The following OAS3 variants were observed in gnomAD, a reference collection of about 807,000 sequenced individuals.
OAS3 encodes the protein 2'-5'-oligoadenylate synthase 3.
In OAS3, 107 loss-of-function variants were observed where a neutral mutation model predicts 113.0. That is an observed-to-expected ratio of 0.95 (90% CI 0.81 to 1.11). The LOEUF is 1.11. Among genes scored for constraint, OAS3 ranks in the 50% most tolerant of loss-of-function variants. The probability of loss-of-function intolerance (pLI) is 0.00; values close to 1 mark genes in which losing one functional copy is unlikely to be tolerated. For synonymous variants in OAS3, 552 were observed against 573.6 expected, an observed-to-expected ratio of 0.96 and a Z score of 0.54; for missense variants, 1,258 against 1,389.1, an observed-to-expected ratio of 0.91 and a Z score of 1.50.
Position 112,946,894 on chromosome 12 carries a change from A to G in OAS3, c.788A>G (p.Gln263Arg), listed in dbSNP as rs1264336263. Residue 263 changes from glutamine to arginine, a missense_variant, in exon 4 of 16, where the codon CAG becomes CGG. Transcript: ENST00000228928. ...GTCCTGGGCCTGATCCAACAGCATC[A>G]GCACCTGTGTGTTTTCTGGACTGTC... ...RTVLGLIQQH[Q>R]HLCVFWTVNY... is the part of the protein sequence containing the mutation. The G allele has an allele frequency of 3.1e-6, 5 of 1,613,936 alleles. No homozygotes were observed. The highest frequency in any genetic ancestry group is 3.4e-6 in the Non-Finnish European group (4 of 1,179,904).
At chr12:112,967,268 A>C in intron 12 of OAS3, 150 bp from the exon 13 acceptor site, 1 of 661,716 alleles carries the variant, frequency 1.5e-6, no homozygotes, top group Non-Finnish European at 2.6e-6. Context: ...TCTGTGTTCC[A>C]CCTAAAAACA....
Position 112,962,882 on chromosome 12 carries a change from T to A in OAS3, c.2064T>A (p.Leu688=). ...ACCCAGCCATGAGAATGCACCTTCTTGGCCAGCTTCGAAAACCCAGGTGAA... is the reference window on the plus strand; with the variant it reads ...ACCCAGCCATGAGAATGCACCTTCTAGGCCAGCTTCGAAAACCCAGGTGAA... ...TEDPAMRMHL[L]GQLRKPRPLV... The change falls in exon 9 of 16, where the codon CTT becomes CTA. Residue 688 remains leucine, a synonymous_variant. Transcript: ENST00000228928. 6.2e-7 allele frequency: 1 copy of A among 1,613,796 alleles called. No homozygotes were observed. Among genetic ancestry groups the A allele is most frequent in the Non-Finnish European group, 8.5e-7 (1 of 1,179,726 alleles).
chr12:112,939,538 C>T (rs887230046), intron 1 of OAS3, among the ~76,000 whole-genome samples: 2 of 152,110 alleles, frequency 1.3e-5, no homozygotes, highest in African/African-American at 4.8e-5. Context: ...CCAGGCTGGC[C>T]TGGAACTCCT....
Position 112,967,532 on chromosome 12 carries a change from T to C in OAS3, c.2804T>C (p.Ile935Thr), listed in dbSNP as rs1197080231. Residue 935 changes from isoleucine to threonine, a missense_variant, in exon 13 of 16, where the codon ATC becomes ACC. Transcript: ENST00000228928. ...TTCACAGAGCTACAACGGGACTTCATCATCTCTCGCCCTACCAAGCTGAAG... is the reference window on the plus strand; with the variant it reads ...TTCACAGAGCTACAACGGGACTTCACCATCTCTCGCCCTACCAAGCTGAAG... Reference protein sequence around the residue: ...TCFTELQRDFIISRPTKLKSL... With the variant: ...TCFTELQRDFTISRPTKLKSL... 15 of 1,613,772 alleles carry C rather than the reference T, an allele frequency of 9.3e-6. No homozygotes were observed. Among genetic ancestry groups the C allele is most frequent in the African/African-American group, 1.3e-5 (1 of 74,926 alleles).
chr12:112,968,241 AT>A, intron 14 of OAS3, 67 bp downstream of exon 14: 1 of 1,527,104 alleles, frequency 6.5e-7, no homozygotes, highest in Non-Finnish European at 8.8e-7. Context: ...CACTTTCTAG[AT>A]TGCAGAGCAG....
intron 14 of OAS3, 79 bp from the exon 15 acceptor site, chr12:112,969,529 G>A: frequency 6.6e-7 from 1 of 1,519,146 alleles, no homozygotes; most frequent in Non-Finnish European, 9.0e-7. Context: ...AGATAAAAGG[G>A]GAAAATAGTC....
chr12:112,969,453 C>T (rs2043964045), intron 14 of OAS3, 155 bp from the exon 15 acceptor site: 1 of 797,574 alleles, frequency 1.3e-6, no homozygotes. Context: ...TTTTCTATAC[C>T]TGCCCTGTAG....
rs745777097 is a variant in OAS3, at chr12:112,965,852, G to A, written c.2512G>A (p.Glu838Lys). ...CACTGAGCAGGGCAACAAGCGGGCC[G>A]AGATCATCTCCGAGATCCGAGCCCA... ...QFTEQGNKRAEIISEIRAQLE... is the reference protein window; with the variant it reads ...QFTEQGNKRAKIISEIRAQLE... Residue 838 changes from glutamate to lysine, a missense_variant, in exon 12 of 16, where the codon GAG becomes AAG. Coordinates refer to ENST00000228928, the MANE Select transcript of OAS3 (RefSeq NM_006187.4). 3 of 1,613,710 alleles carry A rather than the reference G, an allele frequency of 1.9e-6. No homozygotes were observed. Among genetic ancestry groups the A allele is most frequent in the Middle Eastern group, 1.7e-4 (1 of 6,058 alleles).
chr12:112,950,823 C>G lies in OAS3; in HGVS notation c.1505C>G (p.Ala502Gly). 6.2e-7 allele frequency: 1 copy of G among 1,614,020 alleles called. No homozygotes were observed. The highest frequency in any genetic ancestry group is 8.5e-7 in the Non-Finnish European group (1 of 1,179,890). Residue 502 changes from alanine (A) to glycine (G), a missense_variant, in exon 7 of 16, where the codon GCG becomes GGG. By Grantham distance (60) the Ala-to-Gly change is moderately conservative (BLOSUM62 0). Coordinates refer to ENST00000228928, the MANE Select transcript of OAS3 (RefSeq NM_006187.4). ...GCAGAGATCCTTGATGAGATGCGAGCGCAGCTAGAATCCTGGTGGCAGGAC... is the reference window on the plus strand; with the variant it reads ...GCAGAGATCCTTGATGAGATGCGAGGGCAGCTAGAATCCTGGTGGCAGGAC... Reference protein sequence around the residue: ...RRAEILDEMRAQLESWWQDQV... With the variant: ...RRAEILDEMRGQLESWWQDQV...
chr12:112,948,056 T>G lies in OAS3; in HGVS notation c.986T>G (p.Phe329Cys). 6.3e-7 allele frequency: 1 copy of G among 1,583,926 alleles called. No individual in the cohort carries two copies. Among genetic ancestry groups the G allele is most frequent in the African/African-American group, 1.4e-5 (1 of 73,752 alleles). ...GCATCCTGCTATGACCACCCATGCT[T>G]TCTGAGGGGGATGGGGGACCCAGTG... ...EAASCYDHPC[F>C]LRGMGDPVQS... Residue 329 changes from phenylalanine to cysteine, a missense_variant, in exon 5 of 16, where the codon TTT (phenylalanine) becomes TGT (cysteine). Transcript: ENST00000228928.
At chr12:112,942,809 GTTA>G (rs150839864) in intron 2 of OAS3, among the ~76,000 whole-genome samples, 60 of 147,286 alleles carry the variant, frequency 4.1e-4, no homozygotes, top group Middle Eastern at 3.5e-3. Flanking sequence ...TATTATTATT[GTTA>G]TTATTATTAT....
rs575468354 is a variant in OAS3, at chr12:112,950,795, C to T, written c.1477C>T (p.Arg493Cys). The T allele has an allele frequency of 3.1e-6, 5 of 1,614,006 alleles. No homozygotes were observed. The highest frequency in any genetic ancestry group is 1.7e-5 in the Admixed American group (1 of 60,024). ...GGACTACAAGGACCAGGGGCCCCGC[C>T]GCGCAGAGATCCTTGATGAGATGCG... The part of the protein sequence containing the change: ...FTDYKDQGPR[R>C]AEILDEMRAQ... Residue 493 changes from arginine to cysteine, a missense_variant, in exon 7 of 16, where the codon CGC becomes TGC. Coordinates refer to ENST00000228928, the MANE Select transcript of OAS3 (RefSeq NM_006187.4).
intron 1 of OAS3, 134 bp downstream of exon 1, chr12:112,938,841 A>T: frequency 1.3e-6 from 1 of 752,100 alleles, no homozygotes; most frequent in South Asian, 2.1e-5. Flanking sequence ...AAATACTTCC[A>T]ATGTGCCAGC....
chr12:112,947,912 T>C (rs766671969), intron 4 of OAS3, 34 bp from the exon 5 acceptor site: 3 of 1,542,742 alleles, frequency 1.9e-6, no homozygotes, highest in Middle Eastern at 1.7e-4. Context: ...GCCCTCTTGC[T>C]AACCAGAACC....
intron 14 of OAS3, chr12:112,969,293 T>G: frequency 2.7e-6 from 1 of 367,328 alleles, no homozygotes; most frequent in Non-Finnish European, 5.1e-6. Context: ...TCAACCTGTA[T>G]CATGGATGCA....
Position 112,946,981 on chromosome 12 carries a change from G to A in OAS3, c.875G>A (p.Arg292Lys). The A allele has an allele frequency of 6.2e-7, 1 of 1,612,984 alleles. No homozygotes were observed. Among genetic ancestry groups the A allele is most frequent in the Non-Finnish European group, 8.5e-7 (1 of 1,179,052 alleles). The change falls in exon 4 of 16, where the codon AGG becomes AAG. Residue 292 changes from arginine to lysine, a missense_variant and splice_region_variant. Coordinates refer to ENST00000228928, the MANE Select transcript of OAS3 (RefSeq NM_006187.4). ...TTGCAGCGGCAGCTTAAGAGACCCA[G>A]GTACTTCCTAATAGCCCACCATCTG... Reference protein sequence around the residue: ...QFLQRQLKRPRPVILDPADPT... With the variant: ...QFLQRQLKRPKPVILDPADPT...
At chr12:112,969,897 G>A in intron 15 of OAS3, 65 bp from the exon 16 acceptor site, 2 of 1,595,752 alleles carry the variant, frequency 1.3e-6, no homozygotes, top group Non-Finnish European at 1.7e-6. Flanking sequence ...TTCCCATCCG[G>A]CTGTGTGGTC....
At chr12:112,944,848 G>T in intron 3 of OAS3, 197 bp downstream of exon 3, 1 of 610,090 alleles carries the variant, frequency 1.6e-6, no homozygotes, top group Non-Finnish European at 2.9e-6. Context: ...ATATATTGTG[G>T]ATACTGATCC....
chr12:112,969,588 T>A lies in OAS3; in HGVS notation c.3105-20T>A, dbSNP rs749021566. 8 of 1,587,278 alleles carry A rather than the reference T, an allele frequency of 5.0e-6. No individual in the cohort carries two copies. The Admixed American group carries it at 1.4e-4, about 28-fold the overall frequency. On this transcript the variant is annotated intron_variant, in intron 14 of 15. Transcript: ENST00000228928. ...CTAGATGTTGCCAGGAATAAGACTG[T>A]CCCTGGGTGGGAATTGCAGGCCTAT...
Sources: gnomAD v4.1 joint callset for allele counts (sites outside exome capture counted in the v4.1 genomes callset) on GRCh38, gnomAD v4.1.1 for gene constraint, MANE v1.5 for transcripts, NCBI Gene and HGNC (gene_info 2026-07-23, HGNC 2026-07-21) for gene names.